Variants in NYAP2 observed in about 807,000 individuals in gnomAD.
NYAP2 encodes the protein neuronal tyrosine-phosphorylated phosphoinositide-3-kinase adapter 2.
NYAP2 carries 23 observed loss-of-function variants against 50.4 expected under a neutral mutation model. That is an observed-to-expected ratio of 0.46 (90% CI 0.33 to 0.65). The LOEUF (loss-of-function observed/expected upper bound fraction) is 0.65, where lower values mean the gene tolerates loss of function less well. Among genes scored for constraint, NYAP2 ranks in the 30% least tolerant of loss-of-function variants. The pLI is 0.02. For missense variants in NYAP2, 885 were observed against 861.0 expected (o/e 1.03, Z -0.35); for synonymous variants, 394 against 365.2 (o/e 1.08, Z -0.90).
At chr2:225,671,373 A>T in the NYAP2 span, among the ~76,000 whole-genome samples, 160 of 152,274 alleles carry the variant, frequency 1.1e-3, no homozygotes, top group African/African-American at 3.8e-3. Context: ...CATCTCAAGA[A>T]ACCACTTTCT....
At chr2:225,583,994 A>G (rs147533492) in intron 5 of NYAP2, among the ~76,000 whole-genome samples, 84 of 152,278 alleles carry the variant, frequency 5.5e-4, no homozygotes, top group African/African-American at 1.9e-3. Flanking sequence ...GTGAGCCCAG[A>G]TCATGCCACT....
the NYAP2 span, among the ~76,000 whole-genome samples, chr2:225,692,273 T>G: frequency 1.3e-5 from 2 of 152,148 alleles, no homozygotes; most frequent in African/African-American, 4.8e-5. Flanking sequence ...GAGTATTTTC[T>G]TTTCTCTTTA....
At chr2:225,441,175 C>T (rs1484987851) in intron 3 of NYAP2, among the ~76,000 whole-genome samples, 1 of 152,206 alleles carries the variant, frequency 6.6e-6, no homozygotes, top group Non-Finnish European at 1.5e-5. Flanking sequence ...AGGCATGAAG[C>T]TCTGCAGATC....
the NYAP2 span, among the ~76,000 whole-genome samples, chr2:225,687,852 C>T: frequency 7.9e-5 from 12 of 152,246 alleles, no homozygotes; most frequent in South Asian, 4.1e-4. Context: ...AACGTTTCTG[C>T]GCCCTCTTGA....
At chr2:225,679,334 G>A in the NYAP2 span, among the ~76,000 whole-genome samples, 1 of 151,956 alleles carries the variant, frequency 6.6e-6, no homozygotes, top group East Asian at 1.9e-4. Flanking sequence ...GAGCATCTTG[G>A]TATTTGCAAC....
intron 4 of NYAP2, among the ~76,000 whole-genome samples, chr2:225,539,838 T>C (rs1469077635): frequency 6.6e-6 from 1 of 152,224 alleles, no homozygotes; most frequent in Non-Finnish European, 1.5e-5. Context: ...TCCAAACTTT[T>C]ATGCTCTGCT....
intron 4 of NYAP2, among the ~76,000 whole-genome samples, chr2:225,560,512 C>T (rs564657853): frequency 2.6e-5 from 4 of 152,192 alleles, no homozygotes; most frequent in African/African-American, 9.6e-5. Flanking sequence ...AATTGCCCAC[C>T]TAAACAGCTT....
At chr2:225,535,197 C>A (rs148801951) in intron 4 of NYAP2, among the ~76,000 whole-genome samples, 17 of 152,288 alleles carry the variant, frequency 1.1e-4, no homozygotes, top group African/African-American at 3.8e-4. Flanking sequence ...GATACAGGAA[C>A]CAGGAAGCAA....
chr2:225,398,269 G>A (rs939536767), upstream of NYAP2, among the ~76,000 whole-genome samples: 11 of 152,108 alleles, frequency 7.2e-5, no homozygotes, highest in Admixed American at 2.6e-4. Flanking sequence ...TCAGAAACAA[G>A]TAAGTCTGTT....
intron 4 of NYAP2, among the ~76,000 whole-genome samples, chr2:225,569,333 G>A (rs1692023625): frequency 6.6e-6 from 1 of 152,094 alleles, no homozygotes. Context: ...AGAGAAAATT[G>A]TTTTCTTCTT....
chr2:225,652,466 G>A (rs4627553), exon 7 of NYAP2: 27,016 of 152,108 alleles, frequency 0.18, 2,811 homozygotes, highest in East Asian at 0.42. Flanking sequence ...GTTTGGGTAC[G>A]TGGTTGTGGA....
At chr2:225,434,916 C>A (rs1689351017) in intron 3 of NYAP2, among the ~76,000 whole-genome samples, 1 of 152,138 alleles carries the variant, frequency 6.6e-6, no homozygotes, top group Non-Finnish European at 1.5e-5. Flanking sequence ...TTGTCGAATA[C>A]CTCAATGCTG....
the NYAP2 span, among the ~76,000 whole-genome samples, chr2:225,669,194 A>T: frequency 6.6e-6 from 1 of 152,098 alleles, no homozygotes; most frequent in Non-Finnish European, 1.5e-5. Flanking sequence ...TGGTACATGA[A>T]CATACAGAGC....
intron 3 of NYAP2, among the ~76,000 whole-genome samples, chr2:225,509,054 C>T (rs933836788): frequency 1.3e-5 from 2 of 152,106 alleles, no homozygotes; most frequent in South Asian, 2.1e-4. Flanking sequence ...CCCTCATCAC[C>T]GCAGTTTGTA....
At chr2:225,548,883 G>A (rs1014982842) in intron 4 of NYAP2, among the ~76,000 whole-genome samples, 7 of 71,786 alleles carry the variant, frequency 9.8e-5, no homozygotes, top group Admixed American at 7.3e-4. Flanking sequence ...TCAGAATGCA[G>A]CAATTTTTTT....
At chr2:225,485,874 C>T (rs1194872379) in intron 3 of NYAP2, among the ~76,000 whole-genome samples, 2 of 152,200 alleles carry the variant, frequency 1.3e-5, no homozygotes, top group South Asian at 2.1e-4. Flanking sequence ...GCTGATGCAG[C>T]TGCCCTGTGC....
At chr2:225,663,488 T>C in the NYAP2 span, among the ~76,000 whole-genome samples, 1 of 152,102 alleles carries the variant, frequency 6.6e-6, no homozygotes, top group African/African-American at 2.4e-5. Context: ...AGCTTCCTTA[T>C]CCATTACCTG....
At position 225,582,748 on chromosome 2, in the gene NYAP2, G is replaced by T; in HGVS notation, c.1331G>T (p.Arg444Met). The change falls in exon 5 of 7, where the codon AGG (arginine) becomes ATG (methionine). Residue 444 changes from arginine (R) to methionine (M), a missense_variant. Transcript: ENST00000636099. This position sits in a 1 kb window ranked among gnomAD's most constrained non-coding sequence, Gnocchi z 7.0. The stretch of plus-strand genomic sequence containing the variant: ...TCTCCCTCCCCCGTCAGCATGGGGA[G>T]GTCCCTGACTCCCCTGAGCCTCAAA... The T allele has an allele frequency of 6.2e-7, 1 of 1,613,550 alleles. No homozygotes were observed.
intron 3 of NYAP2, among the ~76,000 whole-genome samples, chr2:225,438,267 A>G (rs1689414124): frequency 6.6e-6 from 1 of 152,234 alleles, no homozygotes; most frequent in African/African-American, 2.4e-5. Context: ...AAAAACTGTC[A>G]CATCAAGTAA....
Sources: gnomAD v4.1 joint callset for allele counts (sites outside exome capture counted in the v4.1 genomes callset) on GRCh38, gnomAD v4.1.1 for gene constraint, Gnocchi (gnomAD v3.1) non-coding constraint, MANE v1.5 for transcripts, NCBI Gene and HGNC (gene_info 2026-07-23, HGNC 2026-07-21) for gene names.